PLA2R1: variants seen among roughly 807,000 people sequenced by gnomAD.
The protein encoded by PLA2R1 is secretory phospholipase A2 receptor.
PLA2R1 carries 158 observed loss-of-function variants against 195.9 expected under a neutral mutation model. That is an observed-to-expected ratio of 0.81 (90% CI 0.71 to 0.92). PLA2R1 has a LOEUF of 0.92. PLA2R1 is among the 40% of genes least tolerant of loss of function. PLA2R1 has a pLI of 0.00. For synonymous variants in PLA2R1, 586 were observed against 598.2 expected, an observed-to-expected ratio of 0.98 and a Z score of 0.30; for missense variants, 1,626 against 1,764.6, an observed-to-expected ratio of 0.92 and a Z score of 1.41.
intron 9 of PLA2R1, 28 bp from the exon 10 acceptor site, chr2:160,013,403 GAC>G: frequency 7.6e-7 from 1 of 1,312,124 alleles, no homozygotes; most frequent in Non-Finnish European, 1.1e-6. Flanking sequence ...GGAAATTAAG[GAC>G]ACAATCTCAT....
chr2:159,927,236 GT>G (rs560335535), downstream of PLA2R1, among the ~76,000 whole-genome samples: 60 of 152,252 alleles, frequency 3.9e-4, no homozygotes, highest in African/African-American at 1.4e-3. Context: ...TGATCTTCTA[GT>G]TCCCTTTTTC....
chr2:159,956,948 A>G (rs1688132602), intron 20 of PLA2R1, among the ~76,000 whole-genome samples: 1 of 151,834 alleles, frequency 6.6e-6, no homozygotes, highest in Non-Finnish European at 1.5e-5. Context: ...CTCTGATTGC[A>G]AAGTTTACAT....
At chr2:160,032,578 A>G (rs1363242553) in intron 4 of PLA2R1, among the ~76,000 whole-genome samples, 1 of 152,238 alleles carries the variant, frequency 6.6e-6, no homozygotes. Context: ...AATGATATGT[A>G]AGATTTTGTT....
Position 159,987,353 on chromosome 2 carries a change from T to C in PLA2R1, c.1840A>G (p.Ser614Gly), listed in dbSNP as rs1360799949. The C allele has an allele frequency of 1.2e-6, 2 of 1,609,564 alleles. No homozygotes were observed. ...THWNTHQPRY[S>G]GGCVAMRGRH... ...CCTCGCATGGCAACACAGCCACCAC[T>C]GTAGCCTAAAAGCAGAAAACAAGCA... Residue 614 changes from serine to glycine, a missense_variant, in exon 12 of 30, where the codon AGT becomes GGT. By Grantham distance (56) the Ser-to-Gly change is moderately conservative. Coordinates refer to ENST00000283243, the MANE Select transcript of PLA2R1 (RefSeq NM_007366.5).
chr2:160,005,935 C>A, intron 10 of PLA2R1, 114 bp from the exon 11 acceptor site: 2 of 722,866 alleles, frequency 2.8e-6, no homozygotes, highest in Non-Finnish European at 2.4e-6. Flanking sequence ...CTCATCAATT[C>A]TTTAGAACAT....
At position 159,967,735 on chromosome 2, in the gene PLA2R1, A is replaced by C. The variant is rs961823634; in HGVS notation, c.2765-57T>G. ...GGAACAATGGCGATTCTTTGAAGGCATTCTCTATTGATCACTATTTTTATG... is the reference window on the plus strand; with the variant it reads ...GGAACAATGGCGATTCTTTGAAGGCCTTCTCTATTGATCACTATTTTTATG... On this transcript the variant is annotated intron_variant, in intron 19 of 29. Transcript: ENST00000283243. 4.1e-6 allele frequency: 6 copies of C among 1,465,338 alleles called. No homozygotes were observed. In the East Asian group the frequency reaches 1.4e-4, roughly 33 times the overall value. The allele number at this position is 1,465,338 out of a possible 1,614,324, so 90.8% of individuals were successfully genotyped here.
At chr2:159,976,472 C>T (rs1275931081) in intron 16 of PLA2R1, among the ~76,000 whole-genome samples, 3 of 151,968 alleles carry the variant, frequency 2.0e-5, no homozygotes, top group Non-Finnish European at 1.5e-5. Flanking sequence ...ATTCTAAAAT[C>T]GCATGTCATG....
rs954600507 is a variant in PLA2R1 at position 160,024,431 on chromosome 2, T to C, written c.1100-1572A>G. Among the ~76,000 whole-genome samples, 10 of 152,098 alleles carry C rather than the reference T, an allele frequency of 6.6e-5. No homozygotes were observed. The East Asian group carries it at 1.9e-3, about 29-fold the overall frequency. ...CCCTGCCTCCAAAGAAATGGTGCCT[T>C]GGCCTCCCAGAGTAGTCATGTTCCC... On this transcript the variant is annotated intron_variant, in intron 6 of 29. Coordinates refer to ENST00000283243, the MANE Select transcript of PLA2R1 (RefSeq NM_007366.5).
chr2:160,048,792 A>C (rs1478814320), intron 1 of PLA2R1, among the ~76,000 whole-genome samples: 3 of 152,094 alleles, frequency 2.0e-5, no homozygotes, highest in East Asian at 3.9e-4. Context: ...TCCCTTCATA[A>C]TTATAAGTTT....
rs1359327345 is a variant in PLA2R1, at chr2:159,936,316, ATTGAG to A, written c.*5457_*5461del. On this transcript the variant is annotated 3_prime_UTR_variant, in exon 30 of 30. Transcript: ENST00000283243. Reference sequence around the variant, plus strand: ...CTAAGTATTACACATTTTCTTCTATATTGAGTTGTCATTTCAATTATTGTTAGTAT... The same window carrying A: ...CTAAGTATTACACATTTTCTTCTATATTGTCATTTCAATTATTGTTAGTAT... 6.6e-6 allele frequency: 1 copy of A among 152,178 alleles called. No individual in the cohort carries two copies. Among genetic ancestry groups the A allele is most frequent in the Non-Finnish European group, 1.5e-5 (1 of 68,032 alleles). The allele number at this position is 152,178 out of a possible 1,614,324, so 9.4% of individuals were successfully genotyped here.
At chr2:160,026,136 A>G (rs1177481523) in intron 6 of PLA2R1, among the ~76,000 whole-genome samples, 1 of 152,198 alleles carries the variant, frequency 6.6e-6, no homozygotes, top group Non-Finnish European at 1.5e-5. Flanking sequence ...TACTTTGAAC[A>G]TACACAGTCA....
At chr2:160,009,721 C>T (rs1257648671) in intron 10 of PLA2R1, among the ~76,000 whole-genome samples, 2 of 103,118 alleles carry the variant, frequency 1.9e-5, no homozygotes, top group African/African-American at 3.5e-5. Context: ...TATTTTACCA[C>T]AATAAAAAAA....
rs147903721 is a variant in PLA2R1 at position 159,965,398 on chromosome 2, T to C, written c.2904+2141A>G. 3.7e-3 allele frequency among the ~76,000 whole-genome samples: 566 copies of C among 152,320 alleles called. 1 individual carries two copies. Among genetic ancestry groups the C allele is most frequent in the Non-Finnish European group, 6.6e-3 (446 of 68,014 alleles). On this transcript the variant is annotated intron_variant, in intron 20 of 29. Transcript: ENST00000283243. ...ATGTCATATAGTTGGAATCATACAG[T>C]ATTGTAGGCTTTTCAGATTGGCTTC...
chr2:159,993,453 TACACACACAC>T (rs3063677), intron 11 of PLA2R1, among the ~76,000 whole-genome samples: 2 of 148,198 alleles, frequency 1.3e-5, no homozygotes, highest in East Asian at 2.0e-4. Flanking sequence ...GTGTTTAATT[TACACACACAC>T]ACACACACAC....
In PLA2R1 at chr2:159,945,909, C is replaced by G. The variant is rs1574642702; in HGVS notation, c.3968-827G>C. On this transcript the variant is annotated intron_variant, in intron 27 of 29. Coordinates refer to ENST00000283243, the MANE Select transcript of PLA2R1 (RefSeq NM_007366.5). The stretch of plus-strand genomic sequence containing the variant: ...TGACAGTTTGAATTTTGAAATATTC[C>G]ATATATATATATAATCGATTTAAAG... The G allele has an allele frequency of 7.2e-6, 6 of 837,334 alleles. 1 individual carries two copies. Among genetic ancestry groups the G allele is most frequent in the Middle Eastern group, 6.2e-4 (1 of 1,608 alleles). 51.9% of individuals were successfully genotyped at this position (837,334 alleles called of 1,614,324 possible). A position where few individuals can be genotyped will look rare whatever the true frequency, so the allele number is the denominator to read the frequency against.
intron 11 of PLA2R1, among the ~76,000 whole-genome samples, chr2:159,991,900 T>C (rs1422488617): frequency 9.8e-6 from 1 of 101,664 alleles, no homozygotes; most frequent in Admixed American, 1.1e-4. Context: ...TCTTTGCTAT[T>C]GTGAATAATG....
At chr2:160,060,949 A>T (rs1298293879) in intron 1 of PLA2R1, among the ~76,000 whole-genome samples, 1 of 152,252 alleles carries the variant, frequency 6.6e-6, no homozygotes, top group Non-Finnish European at 1.5e-5. Context: ...GAATTGACCA[A>T]GAAGGTAAGA....
At chr2:159,964,681 G>A (rs1688668308) in intron 20 of PLA2R1, among the ~76,000 whole-genome samples, 1 of 151,906 alleles carries the variant, frequency 6.6e-6, no homozygotes, top group Admixed American at 6.6e-5. Flanking sequence ...GTGTCATAGG[G>A]CTAAGCTGAC....
At chr2:160,016,271 A>AAAAAAG (rs1468207988) in intron 9 of PLA2R1, among the ~76,000 whole-genome samples, 1 of 151,190 alleles carries the variant, frequency 6.6e-6, no homozygotes, top group Non-Finnish European at 1.5e-5. Flanking sequence ...CTCAAAAAAA[A>AAAAAAG]AAAAAGAAAA....
Sources: gnomAD v4.1 joint callset for allele counts (sites outside exome capture counted in the v4.1 genomes callset) on GRCh38, gnomAD v4.1.1 for gene constraint, MANE v1.5 for transcripts, NCBI Gene and HGNC (gene_info 2026-07-23, HGNC 2026-07-21) for gene names.